TACR3: variants seen among roughly 807,000 people sequenced by gnomAD.
The protein encoded by TACR3 is neuromedin-K receptor.
TACR3 carries 34 observed loss-of-function variants against 35.0 expected under a neutral mutation model. That is an observed-to-expected ratio of 0.97 (90% CI 0.74 to 1.30). The LOEUF is 1.30. Ranked by LOEUF, TACR3 falls within the 50% of genes most tolerant of loss-of-function variation. The pLI, the probability that TACR3 is intolerant of heterozygous loss-of-function variation, is 0.00. For missense variants in TACR3, 558 were observed against 591.7 expected, an observed-to-expected ratio of 0.94 and a Z score of 0.59; for synonymous variants, 233 against 221.1, an observed-to-expected ratio of 1.05 and a Z score of -0.48.
intron 1 of TACR3, among the ~76,000 whole-genome samples, chr4:103,704,909 T>C (rs1313464928): frequency 1.3e-5 from 2 of 152,198 alleles, no homozygotes; most frequent in Non-Finnish European, 2.9e-5. Flanking sequence ...TTACCATATT[T>C]ATACACAAGG....
At chr4:103,624,700 A>C (rs2110306301) in intron 3 of TACR3, among the ~76,000 whole-genome samples, 1 of 152,218 alleles carries the variant, frequency 6.6e-6, no homozygotes, top group Middle Eastern at 3.4e-3. Flanking sequence ...TACAGAAATA[A>C]AGCATTTGTG....
At chr4:103,627,678 G>C (rs1331040413) in intron 3 of TACR3, among the ~76,000 whole-genome samples, 3 of 151,958 alleles carry the variant, frequency 2.0e-5, no homozygotes, top group African/African-American at 7.3e-5. Context: ...GACTTAGACT[G>C]CCACACAATA....
intron 1 of TACR3, among the ~76,000 whole-genome samples, chr4:103,716,029 G>C (rs916718933): frequency 9.2e-5 from 14 of 152,148 alleles, no homozygotes; most frequent in Non-Finnish European, 1.6e-4. Context: ...TAATAGTGTA[G>C]AGGTGAAGAG....
rs770942908 is a variant in TACR3, at chr4:103,589,634, C to T, written c.*48G>A. On this transcript the variant is annotated 3_prime_UTR_variant, in exon 5 of 5. Coordinates refer to ENST00000304883, the MANE Select transcript of TACR3 (RefSeq NM_001059.3). ...GTAAATAGGAGAATGGGGTCCTAGA[C>T]TGGCACCATGATGGTCTCACACTAA... 7 of 1,607,514 alleles carry T rather than the reference C, an allele frequency of 4.4e-6. No individual in the cohort carries two copies. In the East Asian group the frequency reaches 1.6e-4, roughly 36 times the overall value.
intron 3 of TACR3, among the ~76,000 whole-genome samples, chr4:103,602,905 C>T (rs1724244868): frequency 6.6e-6 from 1 of 152,228 alleles, no homozygotes; most frequent in Non-Finnish European, 1.5e-5. Context: ...CACCACTACT[C>T]TCTTCAAAGC....
chr4:103,676,260 A>C (rs982651522), intron 1 of TACR3, among the ~76,000 whole-genome samples: 5 of 152,226 alleles, frequency 3.3e-5, no homozygotes, highest in African/African-American at 1.2e-4. Context: ...TTGTTCACAA[A>C]TGAGGACTTC....
At chr4:103,609,196 A>G (rs984600563) in intron 3 of TACR3, among the ~76,000 whole-genome samples, 9 of 152,116 alleles carry the variant, frequency 5.9e-5, no homozygotes, top group African/African-American at 2.2e-4. Context: ...ACTAATAGAA[A>G]AAGATAGATA....
At chr4:103,673,505 C>CTTCA in intron 1 of TACR3, among the ~76,000 whole-genome samples, 1 of 152,224 alleles carries the variant, frequency 6.6e-6, no homozygotes, top group African/African-American at 2.4e-5. Flanking sequence ...TGCTGATGAA[C>CTTCA]TTCACTTTCT....
At chr4:103,619,923 G>T (rs976591744) in intron 3 of TACR3, among the ~76,000 whole-genome samples, 10 of 152,008 alleles carry the variant, frequency 6.6e-5, no homozygotes, top group Non-Finnish European at 1.2e-4. Flanking sequence ...AAAATAAAGA[G>T]TTTCTGCACA....
chr4:103,615,483 A>G (rs893341588), intron 3 of TACR3, among the ~76,000 whole-genome samples: 1 of 151,762 alleles, frequency 6.6e-6, no homozygotes, highest in South Asian at 2.1e-4. Context: ...TCTCATTGCA[A>G]CTTAAAAAAT....
intron 3 of TACR3, among the ~76,000 whole-genome samples, chr4:103,604,141 A>G (rs1724286038): frequency 6.6e-6 from 1 of 152,236 alleles, no homozygotes; most frequent in East Asian, 1.9e-4. Flanking sequence ...TTCAAATTAT[A>G]CTGCAAGGCT....
chr4:103,615,394 TGTGTGA>T lies in TACR3; in HGVS notation c.889-23717_889-23712del, dbSNP rs1244561505. Among the ~76,000 whole-genome samples, 631 of 98,938 alleles carry T rather than the reference TGTGTGA, an allele frequency of 6.4e-3. 3 individuals carry two copies. Among genetic ancestry groups the T allele is most frequent in the African/African-American group, 0.02 (495 of 24,472 alleles). 64.9% of individuals were successfully genotyped at this position (98,938 alleles called of 152,430 possible). ...CTGCTATCGTGTGTGTGTGTGTGTGTGTGTGAGAGAGAGAGAGAGAGAGAGAGAGAG... is the reference window on the plus strand; with the variant it reads ...CTGCTATCGTGTGTGTGTGTGTGTGTGAGAGAGAGAGAGAGAGAGAGAGAG... On this transcript the variant is annotated intron_variant, in intron 3 of 4. Transcript: ENST00000304883.
chr4:103,625,967 T>G (rs1214774282), intron 3 of TACR3, among the ~76,000 whole-genome samples: 1 of 152,146 alleles, frequency 6.6e-6, no homozygotes, highest in Non-Finnish European at 1.5e-5. Flanking sequence ...CCCAGAGGGA[T>G]GGAGCCTTTT....
chr4:103,668,047 G>C (rs930090782), intron 1 of TACR3, among the ~76,000 whole-genome samples: 1 of 152,022 alleles, frequency 6.6e-6, no homozygotes, highest in Non-Finnish European at 1.5e-5. Flanking sequence ...GTCCAGGCTG[G>C]TCTTGAAATC....
At chr4:103,680,410 G>A (rs1214052466) in intron 1 of TACR3, among the ~76,000 whole-genome samples, 1 of 150,284 alleles carries the variant, frequency 6.7e-6, no homozygotes. Context: ...TATTATAATA[G>A]AAACCAGTAT....
intron 1 of TACR3, among the ~76,000 whole-genome samples, chr4:103,660,451 A>G (rs908349156): frequency 6.6e-6 from 1 of 152,022 alleles, no homozygotes; most frequent in African/African-American, 2.4e-5. Flanking sequence ...CTGCTGTATA[A>G]CATAGTACCT....
intron 1 of TACR3, among the ~76,000 whole-genome samples, chr4:103,677,668 A>G (rs1181358717): frequency 6.6e-5 from 10 of 152,144 alleles, no homozygotes; most frequent in Admixed American, 6.6e-4. Context: ...GAACACTTGG[A>G]CACATAAGGG....
intron 1 of TACR3, among the ~76,000 whole-genome samples, chr4:103,689,254 G>T (rs935398435): frequency 1.7e-5 from 2 of 120,184 alleles, no homozygotes; most frequent in Non-Finnish European, 3.3e-5. Context: ...CTGTTGTGGG[G>T]TCGGGGGAGG....
At chr4:103,677,346 A>G (rs895143000) in intron 1 of TACR3, among the ~76,000 whole-genome samples, 1 of 152,158 alleles carries the variant, frequency 6.6e-6, no homozygotes, top group Non-Finnish European at 1.5e-5. Flanking sequence ...CGACCCAGCA[A>G]TCCCATTACT....
Sources: allele counts gnomAD v4.1 joint callset (sites outside exome capture counted in the v4.1 genomes callset), GRCh38; gene constraint gnomAD v4.1.1; transcripts MANE v1.5; gene names NCBI Gene and HGNC (gene_info 2026-07-23, HGNC 2026-07-21).